The following SLCO5A1 variants were observed in gnomAD, a reference collection of about 807,000 sequenced individuals.
SLCO5A1 encodes the protein solute carrier organic anion transporter family member 5A1, also known as organic anion transporter polypeptide-related protein 4.
A neutral mutation model predicts 65.1 loss-of-function variants in SLCO5A1; 39 were observed. That is an observed-to-expected ratio of 0.60 (90% confidence interval 0.46 to 0.78). The LOEUF (loss-of-function observed/expected upper bound fraction) is 0.78. Ranked by LOEUF, SLCO5A1 falls within the 30% of genes least tolerant of loss-of-function variation. The pLI is 0.00. For synonymous variants in SLCO5A1, 438 were observed against 415.7 expected (o/e 1.05, Z -0.65); for missense variants, 1,029 against 1,069.4 (o/e 0.96, Z 0.53).
At chr8:69,826,126 A>C (rs1820900263) in intron 2 of SLCO5A1, among the ~76,000 whole-genome samples, 1 of 152,252 alleles carries the variant, frequency 6.6e-6, no homozygotes, top group African/African-American at 2.4e-5. Flanking sequence ...TACAAAAGTT[A>C]ATTCAAGATG....
chr8:69,803,416 C>CA (rs1020274328), intron 2 of SLCO5A1, among the ~76,000 whole-genome samples: 5 of 151,574 alleles, frequency 3.3e-5, no homozygotes, highest in Non-Finnish European at 7.4e-5. Flanking sequence ...GACTCTGTCT[C>CA]AAAAAACAAA....
chr8:69,734,490 T>C (rs1816471557), intron 5 of SLCO5A1, among the ~76,000 whole-genome samples: 1 of 152,238 alleles, frequency 6.6e-6, no homozygotes, highest in South Asian at 2.1e-4. Flanking sequence ...AGACAGCTTT[T>C]TCTAATGTAT....
At chr8:69,805,615 G>A (rs149542831) in intron 2 of SLCO5A1, among the ~76,000 whole-genome samples, 81 of 152,204 alleles carry the variant, frequency 5.3e-4, no homozygotes, top group African/African-American at 1.8e-3. Flanking sequence ...TTTTTCCTGC[G>A]GGTATAAAAT....
At chr8:69,754,224 G>C (rs1012815162) in intron 4 of SLCO5A1, among the ~76,000 whole-genome samples, 5 of 152,120 alleles carry the variant, frequency 3.3e-5, no homozygotes, top group Non-Finnish European at 7.4e-5. Context: ...AGCATAAGAA[G>C]TCATGTACAG....
chr8:69,762,061 A>G (rs1817801939), intron 2 of SLCO5A1, among the ~76,000 whole-genome samples, 186 bp from the exon 3 acceptor site: 2 of 152,064 alleles, frequency 1.3e-5, no homozygotes, highest in African/African-American at 4.8e-5. Flanking sequence ...TTGTTAACCT[A>G]TTGTCCTCTT....
chr8:69,741,376 T>C (rs1816781024), intron 4 of SLCO5A1, among the ~76,000 whole-genome samples: 1 of 152,208 alleles, frequency 6.6e-6, no homozygotes, highest in Admixed American at 6.5e-5. Context: ...ATGTATTGAT[T>C]GACTGGTTGA....
chr8:69,704,996 G>A (rs772733826), intron 6 of SLCO5A1, 35 bp downstream of exon 6: 33 of 1,589,058 alleles, frequency 2.1e-5, no homozygotes, highest in South Asian at 5.5e-5. Context: ...CACCTCCATC[G>A]TGCAGACACG....
intron 2 of SLCO5A1, among the ~76,000 whole-genome samples, chr8:69,796,649 C>T (rs1819512945): frequency 6.6e-6 from 1 of 151,068 alleles, no homozygotes; most frequent in African/African-American, 2.4e-5. Flanking sequence ...TACACACACA[C>T]ATATATACAT....
intron 4 of SLCO5A1, among the ~76,000 whole-genome samples, chr8:69,754,453 G>C (rs921998858): frequency 2.6e-5 from 4 of 152,102 alleles, no homozygotes; most frequent in Admixed American, 6.5e-5. Flanking sequence ...TTCCTCTTTG[G>C]CCACACTGTG....
chr8:69,679,708 C>T (rs1813688355), intron 7 of SLCO5A1, 89 bp from the exon 8 acceptor site: 2 of 1,512,568 alleles, frequency 1.3e-6, no homozygotes, highest in Non-Finnish European at 1.8e-6. Context: ...TAAAAGTACT[C>T]TAAAATAGCT....
intron 6 of SLCO5A1, among the ~76,000 whole-genome samples, chr8:69,686,025 G>C (rs1389251616): frequency 6.6e-6 from 1 of 152,054 alleles, no homozygotes; most frequent in Non-Finnish European, 1.5e-5. Flanking sequence ...CCTACCCCAA[G>C]ATCTAAAGAA....
chr8:69,705,802 G>T lies in SLCO5A1; in HGVS notation c.1424-573C>A, dbSNP rs80070825. Reference sequence around the variant, plus strand: ...ATTGTAAAGTCTGAAAATACCACACGTTAAAGATGTAACGTACTGGGAACT... The same window carrying T: ...ATTGTAAAGTCTGAAAATACCACACTTTAAAGATGTAACGTACTGGGAACT... On this transcript the variant is annotated intron_variant, in intron 5 of 9. Transcript: ENST00000260126. Among the ~76,000 whole-genome samples, 3 of 152,296 alleles carry T rather than the reference G, an allele frequency of 2.0e-5. No homozygotes were observed. In the East Asian group the frequency reaches 5.8e-4, roughly 29 times the overall value.
chr8:69,716,898 G>T lies in SLCO5A1; in HGVS notation c.1424-11669C>A, dbSNP rs1293011132. Among the ~76,000 whole-genome samples, 4 of 151,494 alleles carry T rather than the reference G, an allele frequency of 2.6e-5. No individual in the cohort carries two copies. The East Asian group carries it at 7.8e-4, about 29-fold the overall frequency. On this transcript the variant is annotated intron_variant, in intron 5 of 9. Coordinates refer to ENST00000260126, the MANE Select transcript of SLCO5A1 (RefSeq NM_030958.3). ...AGGTCCAAGCAATTCTCCCTCCTCA[G>T]CCTCCCAAATAGCTGGGACTACAGG...
intron 2 of SLCO5A1, among the ~76,000 whole-genome samples, chr8:69,768,436 A>G (rs1227935681): frequency 6.6e-6 from 1 of 152,158 alleles, no homozygotes; most frequent in Non-Finnish European, 1.5e-5. Context: ...ACTTAGACTT[A>G]TATAGATTTA....
chr8:69,801,372 T>C (rs1819728892), intron 2 of SLCO5A1, among the ~76,000 whole-genome samples: 1 of 152,052 alleles, frequency 6.6e-6, no homozygotes, highest in Non-Finnish European at 1.5e-5. Flanking sequence ...TCCAAGAGTC[T>C]TTTTTTTCCT....
At chr8:69,834,086 C>CCACACACACACACACACACA (rs60625289) in intron 1 of SLCO5A1, 2 of 144,336 alleles carry the variant, frequency 1.4e-5, no homozygotes, top group African/African-American at 5.2e-5. Flanking sequence ...GCGTGCGCGG[C>CCACACACACACACACACACA]CACACACACA....
intron 2 of SLCO5A1, among the ~76,000 whole-genome samples, chr8:69,784,882 A>AGG (rs1563722913): frequency 1.5e-4 from 21 of 144,608 alleles, no homozygotes; most frequent in African/African-American, 4.6e-4. Context: ...GGAGAAAGAA[A>AGG]GAAAGAAGAA....
intron 2 of SLCO5A1, among the ~76,000 whole-genome samples, chr8:69,792,517 A>G (rs961705090): frequency 2.0e-5 from 3 of 152,252 alleles, no homozygotes; most frequent in Non-Finnish European, 4.4e-5. Flanking sequence ...GTTTGAGCAA[A>G]GGAATGATAT....
Position 69,676,720 on chromosome 8 carries a change from A to G in SLCO5A1, c.2025-47T>C, listed in dbSNP as rs189283928. On this transcript the variant is annotated intron_variant, in intron 8 of 9. Transcript: ENST00000260126. The stretch of plus-strand genomic sequence containing the variant: ...AAATGCATTTTAAATAGTAGCCCCA[A>G]GAAAATGAATGTCAAATCAAGTCGG... The G allele has an allele frequency of 1.5e-5, 23 of 1,546,596 alleles. No homozygotes were observed. The East Asian group carries it at 5.0e-4, about 34-fold the overall frequency.
Sources: allele counts gnomAD v4.1 joint callset (sites outside exome capture counted in the v4.1 genomes callset), GRCh38; gene constraint gnomAD v4.1.1; transcripts MANE v1.5; gene names NCBI Gene and HGNC (gene_info 2026-07-23, HGNC 2026-07-21).